RIMS2: variants seen among roughly 807,000 people sequenced by gnomAD.
The protein encoded by RIMS2 is regulating synaptic membrane exocytosis 2, also known as regulating synaptic membrane exocytosis protein 2.
A neutral mutation model predicts 174.4 loss-of-function variants in RIMS2; 59 were observed. The ratio of observed to expected loss-of-function variants is 0.34; its 90% confidence interval spans 0.27 to 0.42. RIMS2 has a LOEUF of 0.42. RIMS2 is among the 10% of genes least tolerant of loss of function. RIMS2 has a pLI of 1.00. For synonymous variants in RIMS2, 606 were observed against 572.5 expected (o/e 1.06, Z -0.84); for missense variants, 1,620 against 1,666.3 (o/e 0.97, Z 0.48).
chr8:103,888,335 T>A (rs2099219226), intron 4 of RIMS2, among the ~76,000 whole-genome samples: 1 of 151,482 alleles, frequency 6.6e-6, no homozygotes, highest in South Asian at 2.1e-4. Flanking sequence ...AAAATATAGT[T>A]ATCTATAAAG....
At chr8:103,958,306 G>A (rs1038124293) in intron 14 of RIMS2, among the ~76,000 whole-genome samples, 2 of 152,152 alleles carry the variant, frequency 1.3e-5, no homozygotes, top group Non-Finnish European at 2.9e-5. Context: ...TGCAGGAACA[G>A]AAGACCAAAT....
intron 1 of RIMS2, among the ~76,000 whole-genome samples, chr8:103,557,136 A>T (rs1007766692): frequency 3.9e-5 from 6 of 152,228 alleles, no homozygotes; most frequent in African/African-American, 1.4e-4. Context: ...CACAGTGTTT[A>T]CCTCAATAAA....
At chr8:104,069,845 A>C (rs117650456) in intron 19 of RIMS2, among the ~76,000 whole-genome samples, 2,573 of 152,288 alleles carry the variant, frequency 0.017, 35 homozygotes, top group Non-Finnish European at 0.027. Flanking sequence ...GGTCAAAGTC[A>C]TGAAAATACT....
At chr8:104,147,864 G>T (rs961402830) in intron 19 of RIMS2, among the ~76,000 whole-genome samples, 1 of 152,146 alleles carries the variant, frequency 6.6e-6, no homozygotes, top group Non-Finnish European at 1.5e-5. Context: ...TATTAGTCTT[G>T]CAGTAGATTA....
At chr8:103,628,014 G>GCTGAGGT (rs1002667406) in intron 1 of RIMS2, among the ~76,000 whole-genome samples, 26 of 152,140 alleles carry the variant, frequency 1.7e-4, no homozygotes, top group African/African-American at 6.3e-4. Context: ...CTGCATGCAT[G>GCTGAGGT]CTATCTAGAC....
At chr8:104,174,418 A>AC (rs987897851) in intron 19 of RIMS2, among the ~76,000 whole-genome samples, 7 of 151,904 alleles carry the variant, frequency 4.6e-5, no homozygotes, top group Non-Finnish European at 8.8e-5. Context: ...AAGAGCTAAA[A>AC]AAAAATAAGT....
At chr8:103,636,694 C>CTTCCT (rs1454504206) in intron 1 of RIMS2, among the ~76,000 whole-genome samples, 1 of 151,802 alleles carries the variant, frequency 6.6e-6, no homozygotes, top group East Asian at 1.9e-4. Context: ...TTATTTGGCC[C>CTTCCT]TTCCTTTCCT....
At chr8:103,558,281 C>T (rs976772086) in intron 1 of RIMS2, among the ~76,000 whole-genome samples, 2 of 152,060 alleles carry the variant, frequency 1.3e-5, no homozygotes, top group Non-Finnish European at 2.9e-5. Context: ...AGTGCAGTGG[C>T]GTGACTCTCG....
chr8:103,635,311 C>T (rs2096049268), intron 1 of RIMS2, among the ~76,000 whole-genome samples: 1 of 152,182 alleles, frequency 6.6e-6, no homozygotes, highest in Non-Finnish European at 1.5e-5. Flanking sequence ...GAGAGGCTTT[C>T]AGTTGTCCCT....
intron 3 of RIMS2, among the ~76,000 whole-genome samples, chr8:103,835,064 A>G (rs2098866231): frequency 6.9e-6 from 1 of 144,794 alleles, no homozygotes; most frequent in Admixed American, 6.9e-5. Context: ...AGCCCACTGC[A>G]TCTGGCCAAG....
intron 3 of RIMS2, among the ~76,000 whole-genome samples, chr8:103,839,511 C>T (rs760703319): frequency 6.6e-6 from 1 of 152,118 alleles, no homozygotes; most frequent in Non-Finnish European, 1.5e-5. Flanking sequence ...ACTCTTAATG[C>T]ATGGCCTTTG....
At chr8:104,133,500 T>C (rs992121982) in intron 19 of RIMS2, among the ~76,000 whole-genome samples, 10 of 152,214 alleles carry the variant, frequency 6.6e-5, no homozygotes, top group Non-Finnish European at 1.3e-4. Flanking sequence ...CCTTCTGATA[T>C]TTTATATTTT....
intron 1 of RIMS2, among the ~76,000 whole-genome samples, chr8:103,567,492 G>A: frequency 6.6e-6 from 1 of 152,178 alleles, no homozygotes; most frequent in Non-Finnish European, 1.5e-5. Context: ...GTCGTAACAT[G>A]TATAGTACTT....
At chr8:103,714,407 G>T (rs994185873) in intron 2 of RIMS2, among the ~76,000 whole-genome samples, 33 of 152,158 alleles carry the variant, frequency 2.2e-4, no homozygotes, top group African/African-American at 7.7e-4. Context: ...AGCCTTGAGA[G>T]AGAATATTGT....
intron 1 of RIMS2, chr8:103,568,618 G>A: frequency 1.7e-6 from 1 of 584,390 alleles, no homozygotes; most frequent in Admixed American, 2.0e-5. Flanking sequence ...AGTTGTGACT[G>A]TGCAATATCA....
chr8:104,226,710 G>A (rs1366178073), intron 19 of RIMS2, among the ~76,000 whole-genome samples: 2 of 152,042 alleles, frequency 1.3e-5, no homozygotes, highest in African/African-American at 4.8e-5. Context: ...AGAAAGTGAG[G>A]GTTAAACATT....
chr8:103,553,526 A>G (rs898661850), intron 1 of RIMS2, among the ~76,000 whole-genome samples: 3 of 152,102 alleles, frequency 2.0e-5, no homozygotes, highest in Admixed American at 2.0e-4. Flanking sequence ...CAGCACACCA[A>G]CATGGCACAT....
intron 1 of RIMS2, among the ~76,000 whole-genome samples, chr8:103,686,002 T>C (rs1299274828): frequency 6.6e-6 from 1 of 152,192 alleles, no homozygotes; most frequent in African/African-American, 2.4e-5. Context: ...GATACTTTTA[T>C]CAGTGTTTTA....
intron 2 of RIMS2, among the ~76,000 whole-genome samples, chr8:103,713,016 C>T (rs2097326264): frequency 6.6e-6 from 1 of 151,286 alleles, no homozygotes; most frequent in Non-Finnish European, 1.5e-5. Flanking sequence ...TCCTTCTTTT[C>T]CTCCTTTCCT....
Sources: gnomAD v4.1 joint callset for allele counts (sites outside exome capture counted in the v4.1 genomes callset) on GRCh38, gnomAD v4.1.1 for gene constraint, MANE v1.5 for transcripts, NCBI Gene and HGNC (gene_info 2026-07-23, HGNC 2026-07-21) for gene names.